Variants in ZNF76 observed in about 807,000 individuals in gnomAD.
The protein encoded by ZNF76 is zinc finger protein 523.
ZNF76 carries 66 observed loss-of-function variants against 66.9 expected under a neutral mutation model. That is an observed-to-expected ratio of 0.99 (90% CI 0.81 to 1.21). The LOEUF (loss-of-function observed/expected upper bound fraction) is 1.21, where lower values mean the gene tolerates loss of function less well. Ranked by LOEUF, ZNF76 falls within the 50% of genes most tolerant of loss-of-function variation. The probability of loss-of-function intolerance (pLI) is 0.00; values close to 1 mark genes in which losing one functional copy is unlikely to be tolerated. For synonymous variants in ZNF76, 275 were observed against 296.1 expected, an observed-to-expected ratio of 0.93 and a Z score of 0.73; for missense variants, 729 against 760.3, an observed-to-expected ratio of 0.96 and a Z score of 0.48.
intron 1 of ZNF76, among the ~76,000 whole-genome samples, chr6:35,271,122 G>A (rs892231549): frequency 6.6e-5 from 10 of 152,156 alleles, no homozygotes; most frequent in Non-Finnish European, 1.2e-4. Context: ...CATTTATGCT[G>A]TTTCTAAGTT....
intron 1 of ZNF76, among the ~76,000 whole-genome samples, chr6:35,266,870 G>A (rs149819751): frequency 0.046 from 5,882 of 127,298 alleles, 327 homozygotes; most frequent in East Asian, 0.34. Context: ...GCGCCATCTC[G>A]GCTCACTGCA....
chr6:35,274,710 T>C (rs1015845192), intron 1 of ZNF76, among the ~76,000 whole-genome samples: 1 of 152,174 alleles, frequency 6.6e-6, no homozygotes, highest in African/African-American at 2.4e-5. Context: ...CAAAATGAGA[T>C]CCTGTCTCTA....
rs555742803 is a variant in ZNF76, at chr6:35,265,650, C to T, written c.-97+5809C>T. On this transcript the variant is annotated intron_variant, in intron 1 of 13. Transcript: ENST00000373953. ...GAAGGAAGTTAGGGGGTAAGTCAAGCATACATCTAGGGGAAATTTATTCCA... is the reference window on the plus strand; with the variant it reads ...GAAGGAAGTTAGGGGGTAAGTCAAGTATACATCTAGGGGAAATTTATTCCA... Among the ~76,000 whole-genome samples the T allele has an allele frequency of 8.5e-5, 13 of 152,182 alleles. No homozygotes were observed. In the East Asian group the frequency reaches 2.5e-3, roughly 29 times the overall value.
chr6:35,286,280 G>A, intron 3 of ZNF76, 42 bp from the exon 4 acceptor site: 1 of 1,613,396 alleles, frequency 6.2e-7, no homozygotes. Flanking sequence ...CCCCTCCATG[G>A]CACTGAGCTC....
intron 2 of ZNF76, among the ~76,000 whole-genome samples, chr6:35,283,633 G>A (rs1258645829): frequency 6.6e-6 from 1 of 152,130 alleles, no homozygotes; most frequent in East Asian, 1.9e-4. Flanking sequence ...GTTGTTTGAG[G>A]AAATAGTAGG....
In ZNF76 at chr6:35,287,141, T is replaced by G. The variant is rs942574538; in HGVS notation, c.233-505T>G. On this transcript the variant is annotated intron_variant, in intron 4 of 13. Transcript: ENST00000373953. This position sits in a 1 kb window ranked among gnomAD's most constrained non-coding sequence, Gnocchi z 4.0. ...CTGCTAGGAGCTAGAGCCCTGGGAG[T>G]GAAGGCAGAATGAGCAGGAGGAAAC... 1.3e-5 allele frequency among the ~76,000 whole-genome samples: 2 copies of G among 151,660 alleles called. No individual in the cohort carries two copies. The highest frequency in any genetic ancestry group is 2.9e-5 in the Non-Finnish European group (2 of 67,912).
intron 2 of ZNF76, among the ~76,000 whole-genome samples, chr6:35,284,969 C>T (rs1789334099): frequency 2.0e-5 from 3 of 152,212 alleles, no homozygotes; most frequent in Non-Finnish European, 4.4e-5. Flanking sequence ...CCTTGGCCTC[C>T]CAAAGTGTTG....
At chr6:35,273,392 C>T (rs1449681936) in intron 1 of ZNF76, among the ~76,000 whole-genome samples, 3 of 150,844 alleles carry the variant, frequency 2.0e-5, no homozygotes, top group Middle Eastern at 6.4e-3. Context: ...AGGGTGATCT[C>T]GAACTCCTGA....
intron 1 of ZNF76, among the ~76,000 whole-genome samples, chr6:35,278,615 C>G (rs983403656): frequency 6.6e-6 from 1 of 152,238 alleles, no homozygotes; most frequent in African/African-American, 2.4e-5. Flanking sequence ...GTTGGTAAGT[C>G]GTGAGAATCC....
chr6:35,288,627 T>C (rs1214137412), intron 5 of ZNF76, among the ~76,000 whole-genome samples: 1 of 152,022 alleles, frequency 6.6e-6, no homozygotes, highest in African/African-American at 2.4e-5. Flanking sequence ...TGTGACTGAA[T>C]GATGGAGGAA....
intron 1 of ZNF76, among the ~76,000 whole-genome samples, chr6:35,278,505 T>G (rs1028453808): frequency 6.6e-6 from 1 of 152,254 alleles, no homozygotes; most frequent in Non-Finnish European, 1.5e-5. Flanking sequence ...TGTGAACTTC[T>G]GACTTTAAGC....
At chr6:35,267,064 G>A (rs1465013027) in intron 1 of ZNF76, among the ~76,000 whole-genome samples, 2 of 151,962 alleles carry the variant, frequency 1.3e-5, no homozygotes, top group Non-Finnish European at 1.5e-5. Flanking sequence ...CTCCCAAAGT[G>A]CTGGGATTAC....
At chr6:35,294,612 A>C in intron 13 of ZNF76, 43 bp downstream of exon 13, 5 of 1,361,046 alleles carry the variant, frequency 3.7e-6, no homozygotes, top group Non-Finnish European at 5.3e-6. Context: ...ACGGCCAGAG[A>C]AGTCAACAAG....
intron 11 of ZNF76, among the ~76,000 whole-genome samples, chr6:35,293,371 A>G (rs1790720440): frequency 6.6e-6 from 1 of 152,172 alleles, no homozygotes; most frequent in African/African-American, 2.4e-5. Flanking sequence ...AGAACATGGT[A>G]TGGGGTCTGA....
At chr6:35,268,783 A>AG (rs566005810) in intron 1 of ZNF76, among the ~76,000 whole-genome samples, 3 of 131,396 alleles carry the variant, frequency 2.3e-5, no homozygotes, top group Non-Finnish European at 5.0e-5. Context: ...AAAAAGAGAG[A>AG]AAAAAAAAAA....
chr6:35,266,192 G>A (rs567235020), intron 1 of ZNF76, among the ~76,000 whole-genome samples: 2 of 150,844 alleles, frequency 1.3e-5, no homozygotes, highest in Admixed American at 6.6e-5. Context: ...TCGCTCTGTC[G>A]CCCACGGTGG....
intron 2 of ZNF76, among the ~76,000 whole-genome samples, chr6:35,282,905 C>G (rs2267663): frequency 0.68 from 102,930 of 152,058 alleles, 38,005 homozygotes; most frequent in Non-Finnish European, 0.82. Flanking sequence ...TTCTTGTTGG[C>G]TTCATCTTCT....
intron 1 of ZNF76, among the ~76,000 whole-genome samples, chr6:35,273,276 G>A (rs1290332329): frequency 6.6e-6 from 1 of 151,142 alleles, no homozygotes; most frequent in Non-Finnish European, 1.5e-5. Context: ...AGGTTCAAGC[G>A]ATTATCTTGC....
At chr6:35,291,935 T>C in intron 9 of ZNF76, 198 bp downstream of exon 9, 1 of 654,334 alleles carries the variant, frequency 1.5e-6, no homozygotes. Context: ...TTAGGTCCAA[T>C]CTGAAAGGTA....
Sources: gnomAD v4.1 joint callset for allele counts (sites outside exome capture counted in the v4.1 genomes callset) on GRCh38, gnomAD v4.1.1 for gene constraint, Gnocchi (gnomAD v3.1) non-coding constraint, MANE v1.5 for transcripts, NCBI Gene and HGNC (gene_info 2026-07-23, HGNC 2026-07-21) for gene names.